The following GREM2 variants were observed in gnomAD, a reference collection of about 807,000 sequenced individuals.
The protein encoded by GREM2 is gremlin 2, DAN family BMP antagonist.
GREM2 carries 11 observed loss-of-function variants against 14.2 expected under a neutral mutation model. That is an observed-to-expected ratio of 0.78 (90% confidence interval 0.49 to 1.28). The LOEUF (loss-of-function observed/expected upper bound fraction) is 1.28. Ranked by LOEUF, GREM2 falls within the 50% of genes most tolerant of loss-of-function variation. The pLI is 0.00. For missense variants in GREM2, 210 were observed against 218.5 expected (o/e 0.96, Z 0.24); for synonymous variants, 98 against 97.6 (o/e 1.00, Z -0.02).
intron 1 of GREM2, among the ~76,000 whole-genome samples, chr1:240,494,698 G>A (rs9725811): frequency 0.034 from 5,112 of 152,024 alleles, 312 homozygotes; most frequent in African/African-American, 0.12. Context: ...TCAGGAGATC[G>A]AGACCATCCT....
At chr1:240,611,091 TAGA>T (rs1680125081) in intron 1 of GREM2, among the ~76,000 whole-genome samples, 1 of 146,068 alleles carries the variant, frequency 6.8e-6, no homozygotes, top group Admixed American at 6.8e-5. Flanking sequence ...AAAAAAGAAA[TAGA>T]AGTTTATGAG....
In GREM2 at chr1:240,542,062, T is replaced by A. The variant is rs780246292; in HGVS notation, c.-1-48586A>T. Among the ~76,000 whole-genome samples, 3 of 152,162 alleles carry A rather than the reference T, an allele frequency of 2.0e-5. No individual in the cohort carries two copies. The highest frequency in any genetic ancestry group is 4.4e-5 in the Non-Finnish European group (3 of 68,026). ...GGACATTTGTCAATGTGTGGAGGCA[T>A]TTTTGGTCATCACCACTATGACGGC... is the stretch of plus-strand genomic sequence containing the variant. On this transcript the variant is annotated intron_variant, in intron 1 of 1. Coordinates refer to ENST00000318160, the MANE Select transcript of GREM2 (RefSeq NM_022469.4). The surrounding 1 kb of genome is among the most constrained non-coding windows in gnomAD (Gnocchi z 4.1).
At chr1:240,536,999 G>A (rs1286337042) in intron 1 of GREM2, among the ~76,000 whole-genome samples, 2 of 152,126 alleles carry the variant, frequency 1.3e-5, no homozygotes, top group African/African-American at 4.8e-5. Context: ...AAGATAAACT[G>A]GAATGACCAA....
At chr1:240,601,230 G>A (rs184395106) in intron 1 of GREM2, among the ~76,000 whole-genome samples, 64 of 152,268 alleles carry the variant, frequency 4.2e-4, no homozygotes, top group Non-Finnish European at 7.6e-4. Context: ...GTAAGACAGC[G>A]CTATACAACT....
chr1:240,523,156 G>A (rs1324569832), intron 1 of GREM2, among the ~76,000 whole-genome samples: 1 of 152,112 alleles, frequency 6.6e-6, no homozygotes, highest in Non-Finnish European at 1.5e-5. Context: ...GCATTGGCAC[G>A]ATCTCAGCTC....
At chr1:240,532,640 T>TATATATAGATAG (rs1553274800) in intron 1 of GREM2, among the ~76,000 whole-genome samples, 2 of 104,278 alleles carry the variant, frequency 1.9e-5, no homozygotes, top group South Asian at 3.2e-4. Context: ...AAGAGATATA[T>TATATATAGATAG]ATAGATAGAT....
intron 1 of GREM2, among the ~76,000 whole-genome samples, chr1:240,579,428 C>T (rs1679437692): frequency 6.6e-6 from 1 of 152,184 alleles, no homozygotes; most frequent in South Asian, 2.1e-4. Context: ...GCTTCTTCAT[C>T]TATTACAATG....
At chr1:240,544,214 C>G (rs940036184) in intron 1 of GREM2, among the ~76,000 whole-genome samples, 1 of 148,642 alleles carries the variant, frequency 6.7e-6, no homozygotes, top group African/African-American at 2.5e-5. Flanking sequence ...GTGGCGCAAT[C>G]TCGGCTCACT....
intron 1 of GREM2, among the ~76,000 whole-genome samples, chr1:240,592,211 C>T (rs144133449): frequency 2.6e-4 from 39 of 152,168 alleles, no homozygotes; most frequent in African/African-American, 9.2e-4. Context: ...TACTAATTAG[C>T]ACATCTCATG....
intron 1 of GREM2, among the ~76,000 whole-genome samples, chr1:240,562,479 C>G: frequency 6.6e-6 from 1 of 152,296 alleles, no homozygotes; most frequent in African/African-American, 2.4e-5. Context: ...CAGGTGGTGT[C>G]AGAAATCAAA....
intron 1 of GREM2, among the ~76,000 whole-genome samples, chr1:240,564,875 C>T (rs979240827): frequency 2.0e-5 from 3 of 152,152 alleles, no homozygotes; most frequent in South Asian, 2.1e-4. Flanking sequence ...GTTGGAGCTA[C>T]GTTTTCTTTG....
chr1:240,520,523 T>G (rs542521284), intron 1 of GREM2, among the ~76,000 whole-genome samples: 1 of 152,256 alleles, frequency 6.6e-6, no homozygotes, highest in East Asian at 1.9e-4. Context: ...TCATTCAGAT[T>G]ATAAATTCAT....
chr1:240,603,630 A>AT (rs78458936), intron 1 of GREM2, among the ~76,000 whole-genome samples: 33,339 of 151,946 alleles, frequency 0.22, 4,523 homozygotes, highest in Middle Eastern at 0.32. Context: ...ACTGTGTGGG[A>AT]TTTTTTACCT....
intron 1 of GREM2, among the ~76,000 whole-genome samples, chr1:240,506,408 G>A (rs574918208): frequency 3.9e-5 from 6 of 152,200 alleles, no homozygotes; most frequent in African/African-American, 9.6e-5. Context: ...GTCTGGTTTC[G>A]TCGGTGTTAA....
chr1:240,547,052 G>T (rs995379194), intron 1 of GREM2, among the ~76,000 whole-genome samples: 8 of 152,094 alleles, frequency 5.3e-5, no homozygotes, highest in African/African-American at 1.9e-4. Flanking sequence ...GCCTGGCCTG[G>T]CCTTAACAGG....
chr1:240,582,582 G>C (rs567202833), intron 1 of GREM2, among the ~76,000 whole-genome samples: 1 of 152,062 alleles, frequency 6.6e-6, no homozygotes, highest in African/African-American at 2.4e-5. Context: ...GATCACCGGA[G>C]GTCAGGAGTT....
intron 1 of GREM2, among the ~76,000 whole-genome samples, chr1:240,537,958 G>A (rs1678508575): frequency 6.6e-6 from 1 of 152,188 alleles, no homozygotes; most frequent in South Asian, 2.1e-4. Context: ...CTTGAACCCT[G>A]AAAATGATTG....
At chr1:240,575,551 C>A (rs947947582) in intron 1 of GREM2, among the ~76,000 whole-genome samples, 1 of 150,802 alleles carries the variant, frequency 6.6e-6, no homozygotes, top group Non-Finnish European at 1.5e-5. Flanking sequence ...GACTGAGTCT[C>A]ACTCTGTCGC....
chr1:240,604,307 G>A (rs1484863261), intron 1 of GREM2, among the ~76,000 whole-genome samples: 6 of 72,654 alleles, frequency 8.3e-5, no homozygotes, highest in Non-Finnish European at 1.3e-4. Flanking sequence ...ATAACTATAC[G>A]TATGTGTGTG....
Sources: gnomAD v4.1 joint callset for allele counts (sites outside exome capture counted in the v4.1 genomes callset) on GRCh38, gnomAD v4.1.1 for gene constraint, Gnocchi (gnomAD v3.1) non-coding constraint, MANE v1.5 for transcripts, NCBI Gene and HGNC (gene_info 2026-07-23, HGNC 2026-07-21) for gene names.